Variants in ITSN1 observed in about 807,000 individuals in gnomAD.
ITSN1 encodes intersectin 1.
Under a neutral mutation model 239.8 loss-of-function variants are expected in ITSN1, and 58 were observed. The observed-to-expected ratio is 0.24, with a 90% CI of 0.20 to 0.30. The LOEUF (loss-of-function observed/expected upper bound fraction) is 0.30. ITSN1 is among the 10% of genes least tolerant of loss of function. The pLI, the probability that ITSN1 is intolerant of heterozygous loss-of-function variation, is 1.00. For missense variants in ITSN1, 1,558 were observed against 2,103.3 expected (o/e 0.74, Z 5.07); for synonymous variants, 780 against 770.8 (o/e 1.01, Z -0.20).
chr21:33,760,115 AAAAAG>A (rs553622839), intron 8 of ITSN1, among the ~76,000 whole-genome samples: 17 of 151,834 alleles, frequency 1.1e-4, no homozygotes, highest in East Asian at 9.6e-4. Context: ...CTCAAAAAAA[AAAAAG>A]AAAAGAAAAG....
intron 5 of ITSN1, among the ~76,000 whole-genome samples, chr21:33,748,350 G>T (rs537121781): frequency 1.4e-4 from 21 of 152,244 alleles, no homozygotes; most frequent in African/African-American, 4.8e-4. Flanking sequence ...CTTGGAGGCT[G>T]AGGCAAAAGA....
Position 33,676,261 on chromosome 21 carries a change from G to A in ITSN1, c.-33+33548G>A, listed in dbSNP as rs1464682585. ...GCCTCCCAGAGTGCTAGGATTACAC[G>A]CATGAGCCATTGCGCCTGTCCTGAT... is the stretch of plus-strand genomic sequence containing the variant. On this transcript the variant is annotated intron_variant, in intron 1 of 39. Transcript: ENST00000381318. 3.9e-5 allele frequency among the ~76,000 whole-genome samples: 6 copies of A among 152,218 alleles called. No homozygotes were observed. The East Asian group carries it at 7.7e-4, about 20-fold the overall frequency.
At chr21:33,714,901 A>G (rs998936128) in intron 1 of ITSN1, among the ~76,000 whole-genome samples, 9 of 152,176 alleles carry the variant, frequency 5.9e-5, no homozygotes, top group Admixed American at 2.0e-4. Flanking sequence ...GAATTGGTCT[A>G]TTGTACAAAT....
At chr21:33,734,778 C>T (rs1429535343) in intron 4 of ITSN1, among the ~76,000 whole-genome samples, 1 of 152,110 alleles carries the variant, frequency 6.6e-6, no homozygotes, top group African/African-American at 2.4e-5. Context: ...GAAAGAAACC[C>T]CTTTTGATGT....
At chr21:33,868,184 C>G (rs4642021) in intron 33 of ITSN1, among the ~76,000 whole-genome samples, 56,381 of 151,860 alleles carry the variant, frequency 0.37, 11,065 homozygotes, top group East Asian at 0.48. Flanking sequence ...TGATTGGTGC[C>G]TTTACAATCC....
At chr21:33,666,987 T>C (rs960350380) in intron 1 of ITSN1, among the ~76,000 whole-genome samples, 1 of 152,088 alleles carries the variant, frequency 6.6e-6, no homozygotes, top group Non-Finnish European at 1.5e-5. Flanking sequence ...CGCTAGTTTT[T>C]TTATTTTTCA....
At chr21:33,874,437 C>T (rs1358705918) in intron 33 of ITSN1, among the ~76,000 whole-genome samples, 1 of 152,174 alleles carries the variant, frequency 6.6e-6, no homozygotes, top group Non-Finnish European at 1.5e-5. Context: ...GCTGTCCCTG[C>T]CCTGCCCTCC....
chr21:33,775,100 C>G lies in ITSN1; in HGVS notation c.1588C>G (p.Gln530Glu), dbSNP rs144443158. ...TGCCGAAATCACCCATCTACAGCAA[C>G]AATTACAGGTGAGGAAATATGCCTC... ...RIAEITHLQQ[Q>E]LQESQQMLGR... Residue 530 changes from glutamine (Q) to glutamate (E), a missense_variant, in exon 14 of 40, where the codon CAA becomes GAA. Gln to Glu is a conservative substitution (Grantham distance 29). Transcript: ENST00000381318. 1.1e-4 allele frequency: 172 copies of G among 1,609,088 alleles called. 1 individual carries two copies. In the East Asian group the frequency reaches 3.8e-3, roughly 35 times the overall value.
intron 26 of ITSN1, 30 bp from the exon 27 acceptor site, chr21:33,829,594 T>C: frequency 6.2e-7 from 1 of 1,611,262 alleles, no homozygotes; most frequent in Non-Finnish European, 8.5e-7. Flanking sequence ...CTCTTAACAG[T>C]GCACTGCCGT....
At chr21:33,664,796 C>T (rs895765186) in intron 1 of ITSN1, among the ~76,000 whole-genome samples, 4 of 152,096 alleles carry the variant, frequency 2.6e-5, no homozygotes, top group Non-Finnish European at 5.9e-5. Context: ...ATTTAAGATA[C>T]GAATGAAGTT....
intron 5 of ITSN1, 198 bp downstream of exon 5, chr21:33,735,402 A>G: frequency 6.0e-6 from 4 of 662,648 alleles, no homozygotes; most frequent in Non-Finnish European, 5.5e-6. Flanking sequence ...GATGTAAAGT[A>G]ATCAAAATGA....
intron 16 of ITSN1, among the ~76,000 whole-genome samples, chr21:33,792,418 G>A (rs1602261810): frequency 6.6e-6 from 1 of 151,988 alleles, no homozygotes; most frequent in African/African-American, 2.4e-5. Context: ...GTTAGCCATG[G>A]TGGCGTAACT....
chr21:33,875,316 G>A (rs762985834), intron 33 of ITSN1, 38 bp from the exon 34 acceptor site: 3 of 1,611,962 alleles, frequency 1.9e-6, no homozygotes, highest in Non-Finnish European at 2.5e-6. Context: ...CGCCCACATT[G>A]CCTAAAAGGA....
intron 39 of ITSN1, 23 bp downstream of exon 39, chr21:33,886,483 G>A: frequency 4.0e-6 from 6 of 1,513,536 alleles, no homozygotes; most frequent in Non-Finnish European, 5.3e-6. Flanking sequence ...CGGCCCTGTG[G>A]TTATTCCTCC....
intron 16 of ITSN1, among the ~76,000 whole-genome samples, chr21:33,790,199 G>A (rs2071001123): frequency 6.6e-6 from 1 of 151,706 alleles, no homozygotes; most frequent in Non-Finnish European, 1.5e-5. Flanking sequence ...GCTTATTCAT[G>A]GAACCTGGTT....
intron 1 of ITSN1, among the ~76,000 whole-genome samples, chr21:33,699,937 T>C (rs1049612799): frequency 1.3e-5 from 2 of 151,940 alleles, no homozygotes; most frequent in African/African-American, 4.8e-5. Context: ...TTTAAGTTTG[T>C]TTTTTGTAGA....
chr21:33,723,136 C>G (rs1171900782), intron 4 of ITSN1, among the ~76,000 whole-genome samples: 2 of 152,112 alleles, frequency 1.3e-5, no homozygotes, highest in Non-Finnish European at 2.9e-5. Flanking sequence ...ATCTTTTAAG[C>G]CACAGGAAAT....
At position 33,888,787 on chromosome 21, in the gene ITSN1, T is replaced by G. The variant is rs1602736735; in HGVS notation, c.*487T>G. On this transcript the variant is annotated 3_prime_UTR_variant, in exon 40 of 40. Transcript: ENST00000381318. ...GAAACAATTATGACGGTCCTGTCAT[T>G]GCTTCAGAATCCCATCTCTCCTGCA... 6.5e-6 allele frequency: 1 copy of G among 153,172 alleles called. No individual in the cohort carries two copies. The highest frequency in any genetic ancestry group is 1.5e-5 in the Non-Finnish European group (1 of 68,806). The allele number at this position is 153,172 out of a possible 1,614,324, so 9.5% of individuals were successfully genotyped here. A position where few individuals can be genotyped will look rare whatever the true frequency, so the allele number is the denominator to read the frequency against.
chr21:33,650,360 G>A (rs1446586380), intron 1 of ITSN1, among the ~76,000 whole-genome samples: 2 of 152,186 alleles, frequency 1.3e-5, no homozygotes, highest in Non-Finnish European at 2.9e-5. Context: ...CAACAAGATT[G>A]GAATTGGAGC....
Sources: gnomAD v4.1 joint callset for allele counts (sites outside exome capture counted in the v4.1 genomes callset) on GRCh38, gnomAD v4.1.1 for gene constraint, MANE v1.5 for transcripts, NCBI Gene and HGNC (gene_info 2026-07-23, HGNC 2026-07-21) for gene names.